The following KCTD3 variants were observed in gnomAD, a reference collection of about 807,000 sequenced individuals.
KCTD3 encodes the protein BTB/POZ domain-containing protein KCTD3.
In KCTD3, 41 loss-of-function variants were observed where a neutral mutation model predicts 85.8. That is an observed-to-expected ratio of 0.48 (90% confidence interval 0.37 to 0.62). The LOEUF (loss-of-function observed/expected upper bound fraction) is 0.62. Ranked by LOEUF, KCTD3 falls within the 20% of genes least tolerant of loss-of-function variation. KCTD3 has a pLI of 0.00. For missense variants in KCTD3, 724 were observed against 989.9 expected, an observed-to-expected ratio of 0.73 and a Z score of 3.60; for synonymous variants, 338 against 345.4, an observed-to-expected ratio of 0.98 and a Z score of 0.24.
intron 14 of KCTD3, among the ~76,000 whole-genome samples, chr1:215,610,845 T>C (rs1386030423): frequency 6.6e-6 from 1 of 151,932 alleles, no homozygotes; most frequent in Non-Finnish European, 1.5e-5. Context: ...AAAATGAGTA[T>C]ATATTTGGAA....
At chr1:215,571,746 T>G (rs1659378032) in intron 1 of KCTD3, among the ~76,000 whole-genome samples, 2 of 151,590 alleles carry the variant, frequency 1.3e-5, no homozygotes, top group Non-Finnish European at 2.9e-5. Context: ...TTGTCCTGCC[T>G]CAGCCTCCTG....
chr1:215,571,463 G>GTT (rs909561574), intron 1 of KCTD3, among the ~76,000 whole-genome samples: 4 of 151,824 alleles, frequency 2.6e-5, no homozygotes, highest in African/African-American at 9.7e-5. Flanking sequence ...TGTGAAATTA[G>GTT]TTAGTAGTCA....
At chr1:215,601,379 T>G (rs1170433478) in intron 10 of KCTD3, among the ~76,000 whole-genome samples, 1 of 152,204 alleles carries the variant, frequency 6.6e-6, no homozygotes, top group Non-Finnish European at 1.5e-5. Flanking sequence ...ATACCACCTT[T>G]TCAGAGAAAT....
chr1:215,617,162 C>T (rs1353831354), intron 15 of KCTD3, among the ~76,000 whole-genome samples: 1 of 152,198 alleles, frequency 6.6e-6, no homozygotes, highest in African/African-American at 2.4e-5. Context: ...TGCTCCTTCC[C>T]ACACACCTTA....
intron 8 of KCTD3, among the ~76,000 whole-genome samples, chr1:215,582,210 A>T (rs760801324): frequency 2.6e-5 from 4 of 152,222 alleles, no homozygotes; most frequent in Non-Finnish European, 4.4e-5. Context: ...TACGTAAATC[A>T]TTCTTTGTCA....
chr1:215,600,168 C>G (rs928104843), intron 10 of KCTD3, among the ~76,000 whole-genome samples: 12 of 152,126 alleles, frequency 7.9e-5, no homozygotes, highest in Non-Finnish European at 1.6e-4. Context: ...AATTAAAAGC[C>G]TGACCTCAGG....
intron 1 of KCTD3, among the ~76,000 whole-genome samples, chr1:215,573,217 A>C (rs1406212478): frequency 6.6e-6 from 1 of 152,224 alleles, no homozygotes; most frequent in African/African-American, 2.4e-5. Flanking sequence ...TATGAGCTTA[A>C]AAAGAGATAA....
chr1:215,585,727 CT>C (rs1182012451), intron 8 of KCTD3, among the ~76,000 whole-genome samples: 2 of 152,122 alleles, frequency 1.3e-5, no homozygotes, highest in African/African-American at 4.8e-5. Flanking sequence ...GAAAACATTT[CT>C]TTAAAACCTA....
intron 15 of KCTD3, chr1:215,618,039 C>G: frequency 2.3e-6 from 1 of 443,884 alleles, no homozygotes; most frequent in South Asian, 1.7e-5. Context: ...TGTGAAGATT[C>G]CCATGTACAT....
intron 8 of KCTD3, among the ~76,000 whole-genome samples, chr1:215,580,577 T>G (rs540037586): frequency 7.9e-5 from 12 of 152,164 alleles, no homozygotes; most frequent in South Asian, 6.2e-4. Flanking sequence ...GATTTTTTTT[T>G]TTTTAATTGG....
Position 215,612,005 on chromosome 1 carries a change from AAAGAGT to A in KCTD3, c.1562+85_1562+90del, listed in dbSNP as rs1206524014. 3 of 874,508 alleles carry A rather than the reference AAAGAGT, an allele frequency of 3.4e-6. No individual in the cohort carries two copies. In the African/African-American group the frequency reaches 5.0e-5, roughly 15 times the overall value. 54.2% of individuals were successfully genotyped at this position (874,508 alleles called of 1,614,324 possible). Reference sequence around the variant, plus strand: ...TATGGCATAATTTGACATATTGACCAAAGAGTGCTACTAGAAACAAATTGTTGGGAC... The same window carrying A: ...TATGGCATAATTTGACATATTGACCAGCTACTAGAAACAAATTGTTGGGAC... On this transcript the variant is annotated intron_variant, in intron 15 of 17. Coordinates refer to ENST00000259154, the MANE Select transcript of KCTD3 (RefSeq NM_016121.5).
chr1:215,613,666 TG>T (rs1655314631), intron 15 of KCTD3, among the ~76,000 whole-genome samples: 1 of 152,208 alleles, frequency 6.6e-6, no homozygotes, highest in South Asian at 2.1e-4. Flanking sequence ...CATCTTCTGT[TG>T]ATTTTTGTAT....
chr1:215,579,866 C>T (rs919584905), intron 7 of KCTD3, 43 bp from the exon 8 acceptor site: 1 of 1,435,794 alleles, frequency 7.0e-7, no homozygotes, highest in Non-Finnish European at 9.8e-7. Context: ...TTTGCCAACC[C>T]CCGGTTTAGA....
intron 1 of KCTD3, among the ~76,000 whole-genome samples, chr1:215,570,113 T>C (rs759710390): frequency 3.9e-5 from 6 of 152,166 alleles, no homozygotes; most frequent in Non-Finnish European, 7.3e-5. Context: ...AATCCTGATA[T>C]GATTGCCACT....
intron 15 of KCTD3, 91 bp downstream of exon 15, chr1:215,612,012 G>T (rs1655252396): frequency 1.2e-6 from 1 of 814,008 alleles, no homozygotes; most frequent in East Asian, 2.6e-5. Context: ...ACCAAAGAGT[G>T]CTACTAGAAA....
intron 8 of KCTD3, chr1:215,580,871 A>C (rs1360237647): frequency 1.1e-5 from 4 of 359,732 alleles, no homozygotes; most frequent in Non-Finnish European, 1.1e-5. Context: ...ATCTGAATTT[A>C]TGAAAGGTTT....
At chr1:215,600,057 G>C (rs1488628536) in intron 10 of KCTD3, among the ~76,000 whole-genome samples, 1 of 152,126 alleles carries the variant, frequency 6.6e-6, no homozygotes, top group East Asian at 1.9e-4. Flanking sequence ...TTGGTTAGTG[G>C]TGTGTAAAGC....
At position 215,575,958 on chromosome 1, in the gene KCTD3, A is replaced by G; in HGVS notation, c.241A>G (p.Lys81Glu). Residue 81 changes from lysine (K) to glutamate (E), a missense_variant, in exon 4 of 18, where the codon AAA (lysine) becomes GAA (glutamate). Lys to Glu is a moderately conservative substitution (Grantham distance 56). Transcript: ENST00000259154. The stretch of plus-strand genomic sequence containing the variant: ...ACCCATTTTAAATTTTCTTCGGACA[A>G]AAGAACTAGACTTAAGGTAAGAAAT... Reference protein sequence around the residue: ...FAPILNFLRTKELDLRGVSIN... With the variant: ...FAPILNFLRTEELDLRGVSIN... 1 of 1,535,378 alleles carries G rather than the reference A, an allele frequency of 6.5e-7. No homozygotes were observed. The highest frequency in any genetic ancestry group is 8.9e-7 in the Non-Finnish European group (1 of 1,122,766).
At chr1:215,595,181 T>G (rs1660371213) in intron 9 of KCTD3, among the ~76,000 whole-genome samples, 175 bp from the exon 10 acceptor site, 1 of 152,254 alleles carries the variant, frequency 6.6e-6, no homozygotes, top group Non-Finnish European at 1.5e-5. Context: ...TTAGTAGTTC[T>G]GTAAGCTGCT....
Sources: gnomAD v4.1 joint callset for allele counts (sites outside exome capture counted in the v4.1 genomes callset) on GRCh38, gnomAD v4.1.1 for gene constraint, MANE v1.5 for transcripts, NCBI Gene and HGNC (gene_info 2026-07-23, HGNC 2026-07-21) for gene names.